ETS1: variants seen among roughly 807,000 people sequenced by gnomAD.
ETS1 encodes protein C-ets-1.
A neutral mutation model predicts 58.6 loss-of-function variants in ETS1; 15 were observed. The observed-to-expected ratio is 0.26, with a 90% CI of 0.17 to 0.39. ETS1 has a LOEUF of 0.39. Ranked by LOEUF, ETS1 falls within the 10% of genes least tolerant of loss-of-function variation. The pLI, the probability that ETS1 is intolerant of heterozygous loss-of-function variation, is 1.00. For missense variants in ETS1, 417 were observed against 610.5 expected (o/e 0.68, Z 3.34); for synonymous variants, 214 against 218.2 (o/e 0.98, Z 0.17).
chr11:128,567,780 C>T (rs1438668417), intron 2 of ETS1, among the ~76,000 whole-genome samples: 1 of 152,164 alleles, frequency 6.6e-6, no homozygotes, highest in Middle Eastern at 3.4e-3. Context: ...TTACAGGCGT[C>T]CAATACCACA....
At chr11:128,517,492 T>G (rs1393542484) in intron 3 of ETS1, among the ~76,000 whole-genome samples, 1 of 152,256 alleles carries the variant, frequency 6.6e-6, no homozygotes, top group Non-Finnish European at 1.5e-5. Flanking sequence ...TGCTCTTTTA[T>G]CTGGCTGTGC....
intron 2 of ETS1, among the ~76,000 whole-genome samples, chr11:128,561,342 C>CT (rs1864402056): frequency 6.6e-6 from 1 of 152,222 alleles, no homozygotes; most frequent in African/African-American, 2.4e-5. Context: ...GGCGAGGAGG[C>CT]TGACACAGGT....
At chr11:128,575,036 A>G (rs1428692670) in intron 1 of ETS1, among the ~76,000 whole-genome samples, 1 of 152,144 alleles carries the variant, frequency 6.6e-6, no homozygotes, top group African/African-American at 2.4e-5. Flanking sequence ...ATTTCCTCCA[A>G]AAAAAGCCCC....
chr11:128,509,584 C>T (rs4937341), intron 3 of ETS1, among the ~76,000 whole-genome samples: 9,344 of 144,564 alleles, frequency 0.065, 319 homozygotes, highest in African/African-American at 0.07. Context: ...TTTACTTTCC[C>T]ACTACTAACA....
chr11:128,538,027 T>G (rs371939549), intron 3 of ETS1, among the ~76,000 whole-genome samples: 3 of 152,348 alleles, frequency 2.0e-5, no homozygotes, highest in Non-Finnish European at 2.9e-5. Context: ...TATATTCATT[T>G]TCTTAAAAGT....
chr11:128,559,900 TATTGGGCCTCTTC>T (rs1864377326), intron 2 of ETS1, among the ~76,000 whole-genome samples: 1 of 152,184 alleles, frequency 6.6e-6, no homozygotes, highest in African/African-American at 2.4e-5. Flanking sequence ...GGTCCCTGCT[TATTGGGCCTCTTC>T]ATTGGCATCT....
At chr11:128,579,325 C>A (rs1434773185) in intron 1 of ETS1, among the ~76,000 whole-genome samples, 1 of 151,828 alleles carries the variant, frequency 6.6e-6, no homozygotes, top group Non-Finnish European at 1.5e-5. Context: ...TCAATTCAAA[C>A]AAAAAGCATG....
chr11:128,582,525 A>G (rs545926803), intron 1 of ETS1, among the ~76,000 whole-genome samples: 1 of 152,258 alleles, frequency 6.6e-6, no homozygotes, highest in African/African-American at 2.4e-5. Context: ...ACTTTTTTCT[A>G]CTGCCCAACA....
In ETS1 at chr11:128,458,928, T is replaced by TA. The variant is rs1861836061; in HGVS notation, c.*3432dup. The TA allele has an allele frequency of 6.6e-6, 1 of 152,324 alleles. No homozygotes were observed. Among genetic ancestry groups the TA allele is most frequent in the Admixed American group, 6.6e-5 (1 of 15,160 alleles). 9.4% of individuals were successfully genotyped at this position (152,324 alleles called of 1,614,324 possible). A position where few individuals can be genotyped will look rare whatever the true frequency, so the allele number is the denominator to read the frequency against. ...ATAAGAATTTTTTTGCATTTTTTTT[T>TA]AAAAAAACATCGACACTTACATCGC... is the stretch of plus-strand genomic sequence containing the variant. On this transcript the variant is annotated 3_prime_UTR_variant, in exon 10 of 10. Coordinates refer to ENST00000392668, the MANE Select transcript of ETS1 (RefSeq NM_001143820.2). This position sits in a 1 kb window ranked among gnomAD's most constrained non-coding sequence, Gnocchi z 4.3.
intron 8 of ETS1, among the ~76,000 whole-genome samples, chr11:128,468,339 G>A (rs991776039): frequency 2.6e-5 from 4 of 152,220 alleles, no homozygotes; most frequent in African/African-American, 9.6e-5. Flanking sequence ...CTGGTCCCTT[G>A]CCCTGAGGCT....
At chr11:128,526,905 G>T (rs780681555) in intron 3 of ETS1, 4 of 456,208 alleles carry the variant, frequency 8.8e-6, no homozygotes, top group South Asian at 6.2e-5. Flanking sequence ...AAAAATGAGT[G>T]TGAGTGAGGA....
intron 3 of ETS1, among the ~76,000 whole-genome samples, chr11:128,548,102 A>G (rs1266180294): frequency 2.1e-5 from 2 of 94,836 alleles, no homozygotes; most frequent in South Asian, 4.1e-4. Context: ...GCGAGGAAGG[A>G]AAGGAAAGGG....
intron 2 of ETS1, 119 bp downstream of exon 2, chr11:128,572,943 C>T (rs1327056409): frequency 1.7e-5 from 12 of 698,412 alleles, no homozygotes; most frequent in South Asian, 6.9e-5. Flanking sequence ...AAAGCTGATT[C>T]GAACCTTGGA....
At chr11:128,553,591 C>A (rs1028263073) in intron 3 of ETS1, among the ~76,000 whole-genome samples, 1 of 152,056 alleles carries the variant, frequency 6.6e-6, no homozygotes. Context: ...CCCGACAGAC[C>A]TTGGCGCTTT....
intron 3 of ETS1, among the ~76,000 whole-genome samples, chr11:128,553,953 G>C (rs182683810): frequency 6.6e-6 from 1 of 152,088 alleles, no homozygotes; most frequent in Non-Finnish European, 1.5e-5. Context: ...AAAAAATGTC[G>C]AGTATTTTTT....
At chr11:128,462,650 T>C in intron 9 of ETS1, 74 bp from the exon 10 acceptor site, 4 of 1,114,826 alleles carry the variant, frequency 3.6e-6, no homozygotes, top group Non-Finnish European at 5.4e-6. Flanking sequence ...TATGTTTCTA[T>C]GCCTATGCTA....
chr11:128,556,197 C>A, intron 3 of ETS1, 94 bp downstream of exon 3: 1 of 1,106,394 alleles, frequency 9.0e-7, no homozygotes, highest in South Asian at 1.6e-5. Flanking sequence ...CCGCATAAGC[C>A]ATGGCAGCTG....
chr11:128,503,311 G>C (rs1009566501), intron 3 of ETS1, among the ~76,000 whole-genome samples: 2 of 152,112 alleles, frequency 1.3e-5, no homozygotes, highest in Non-Finnish European at 2.9e-5. Flanking sequence ...GCACATGCTG[G>C]ATACTGCTAG....
At chr11:128,528,948 A>G (rs2135528917) in intron 3 of ETS1, 1 of 152,338 alleles carries the variant, frequency 6.6e-6, no homozygotes, top group East Asian at 1.9e-4. Flanking sequence ...CTCACCACGA[A>G]GTAAATCAGT....
Sources: gnomAD v4.1 joint callset for allele counts (sites outside exome capture counted in the v4.1 genomes callset) on GRCh38, gnomAD v4.1.1 for gene constraint, Gnocchi (gnomAD v3.1) non-coding constraint, MANE v1.5 for transcripts, NCBI Gene and HGNC (gene_info 2026-07-23, HGNC 2026-07-21) for gene names.